MAK: variants seen among roughly 807,000 people sequenced by gnomAD.
The protein encoded by MAK is male germ cell associated kinase.
MAK carries 65 observed loss-of-function variants against 82.6 expected under a neutral mutation model. The observed-to-expected ratio is 0.79, with a 90% CI of 0.64 to 0.97. The LOEUF (loss-of-function observed/expected upper bound fraction) is 0.97, where lower values mean the gene tolerates loss of function less well. Ranked by LOEUF, MAK falls within the 50% of genes least tolerant of loss-of-function variation. MAK has a pLI of 0.00. For missense variants in MAK, 703 were observed against 780.2 expected, an observed-to-expected ratio of 0.90 and a Z score of 1.18; for synonymous variants, 250 against 274.2, an observed-to-expected ratio of 0.91 and a Z score of 0.87.
chr6:10,777,578 G>T (rs1044526001), intron 11 of MAK, among the ~76,000 whole-genome samples: 3 of 151,474 alleles, frequency 2.0e-5, no homozygotes, highest in Admixed American at 6.6e-5. Flanking sequence ...TTTTTTTTAA[G>T]TATTTTAAAG....
intron 2 of MAK, among the ~76,000 whole-genome samples, chr6:10,821,935 C>T (rs1777971314): frequency 1.3e-5 from 2 of 150,460 alleles, no homozygotes; most frequent in Non-Finnish European, 2.9e-5. Flanking sequence ...ATCACGAGGT[C>T]AGGAGATGGA....
At chr6:10,780,973 T>G (rs1773915395) in intron 11 of MAK, among the ~76,000 whole-genome samples, 2 of 152,152 alleles carry the variant, frequency 1.3e-5, no homozygotes, top group South Asian at 4.1e-4. Flanking sequence ...TTCAAAAGTG[T>G]GCCCCAACCC....
intron 5 of MAK, among the ~76,000 whole-genome samples, chr6:10,812,112 A>T (rs1024665064): frequency 1.3e-5 from 2 of 152,138 alleles, no homozygotes; most frequent in African/African-American, 2.4e-5. Context: ...AGGTGGGAGG[A>T]TCACCTGAGC....
intron 2 of MAK, among the ~76,000 whole-genome samples, chr6:10,823,922 GA>G (rs1238727841): frequency 4.0e-5 from 6 of 151,834 alleles, no homozygotes; most frequent in African/African-American, 1.5e-4. Flanking sequence ...GCCTAAATTG[GA>G]AATGCCTAAA....
intron 12 of MAK, among the ~76,000 whole-genome samples, chr6:10,774,297 G>T (rs1442404128): frequency 6.6e-6 from 1 of 152,062 alleles, no homozygotes; most frequent in Non-Finnish European, 1.5e-5. Context: ...CAAAAAAGTT[G>T]AGTATTATAT....
intron 5 of MAK, among the ~76,000 whole-genome samples, chr6:10,811,970 T>G (rs562750607): frequency 2.0e-5 from 3 of 152,050 alleles, no homozygotes; most frequent in South Asian, 2.1e-4. Flanking sequence ...GAGGCTGAGG[T>G]TGGAGGATCA....
intron 12 of MAK, among the ~76,000 whole-genome samples, chr6:10,773,823 C>A (rs1236070231): frequency 1.3e-5 from 2 of 151,692 alleles, no homozygotes; most frequent in Non-Finnish European, 2.9e-5. Context: ...TCCTGAGCAG[C>A]TGGATTTATA....
chr6:10,774,926 G>A (rs1206506555), intron 12 of MAK, among the ~76,000 whole-genome samples: 1 of 152,226 alleles, frequency 6.6e-6, no homozygotes, highest in Non-Finnish European at 1.5e-5. Flanking sequence ...GATGGAGGTC[G>A]AGAATTCCCT....
chr6:10,779,387 A>G (rs1718649326), intron 11 of MAK: 6 of 985,382 alleles, frequency 6.1e-6, no homozygotes, highest in Non-Finnish European at 6.0e-6. Flanking sequence ...TCTTGCTCCA[A>G]GTACACAGCC....
chr6:10,812,137 C>T (rs2127569225), intron 5 of MAK, among the ~76,000 whole-genome samples: 1 of 152,230 alleles, frequency 6.6e-6, no homozygotes, highest in South Asian at 2.1e-4. Flanking sequence ...GAAGTGGAGG[C>T]TGCAGTGAGC....
chr6:10,772,996 A>G (rs948150501), intron 13 of MAK, 38 bp downstream of exon 13: 1 of 1,348,788 alleles, frequency 7.4e-7, no homozygotes, highest in Non-Finnish European at 1.0e-6. Context: ...CAAGAGATTC[A>G]AAGAACAAAC....
intron 14 of MAK, among the ~76,000 whole-genome samples, chr6:10,766,639 A>G (rs1356533645): frequency 6.6e-6 from 1 of 152,190 alleles, no homozygotes; most frequent in Non-Finnish European, 1.5e-5. Flanking sequence ...GAGCTCACCC[A>G]TGTGGGCCAC....
intron 1 of MAK, among the ~76,000 whole-genome samples, chr6:10,837,389 A>G (rs979179187): frequency 6.6e-6 from 1 of 152,256 alleles, no homozygotes; most frequent in African/African-American, 2.4e-5. Flanking sequence ...ACACAAAAAA[A>G]GTCCACCCCG....
At chr6:10,813,539 C>A in intron 5 of MAK, 105 bp downstream of exon 5, 1 of 749,082 alleles carries the variant, frequency 1.3e-6, no homozygotes, top group South Asian at 1.4e-5. Context: ...ACTCCAGATT[C>A]ATAGTTATCC....
intron 2 of MAK, among the ~76,000 whole-genome samples, chr6:10,823,835 T>A (rs886468062): frequency 6.6e-6 from 1 of 152,154 alleles, no homozygotes; most frequent in Non-Finnish European, 1.5e-5. Context: ...CGGCCTGGAA[T>A]TTATTTTTAA....
chr6:10,782,387 GCA>G, intron 11 of MAK, among the ~76,000 whole-genome samples: 1 of 152,064 alleles, frequency 6.6e-6, no homozygotes, highest in Middle Eastern at 3.4e-3. Context: ...TTACAAATCA[GCA>G]CAGGACTGCA....
intron 4 of MAK, among the ~76,000 whole-genome samples, chr6:10,814,953 C>A (rs933591080): frequency 1.2e-4 from 18 of 151,892 alleles, no homozygotes; most frequent in African/African-American, 4.4e-4. Context: ...AGAAAAATCG[C>A]TTGAACCCGG....
intron 11 of MAK, among the ~76,000 whole-genome samples, chr6:10,781,745 T>TA (rs1228902784): frequency 6.6e-6 from 1 of 152,114 alleles, no homozygotes; most frequent in Non-Finnish European, 1.5e-5. Context: ...TTTAATAAGA[T>TA]ACTTGTAAAT....
intron 10 of MAK, among the ~76,000 whole-genome samples, chr6:10,787,470 A>C (rs1295312611): frequency 6.6e-6 from 1 of 152,222 alleles, no homozygotes; most frequent in African/African-American, 2.4e-5. Flanking sequence ...GCAGGAGCTT[A>C]ACAGATGGTA....
Sources: gnomAD v4.1 joint callset for allele counts (sites outside exome capture counted in the v4.1 genomes callset) on GRCh38, gnomAD v4.1.1 for gene constraint, MANE v1.5 for transcripts, NCBI Gene and HGNC (gene_info 2026-07-23, HGNC 2026-07-21) for gene names.